Variants in ZNF536 observed in about 807,000 individuals in gnomAD.
ZNF536 encodes zinc finger protein 536.
ZNF536 carries 13 observed loss-of-function variants against 84.5 expected under a neutral mutation model. The ratio of observed to expected loss-of-function variants is 0.15; its 90% confidence interval spans 0.10 to 0.24. ZNF536 has a LOEUF of 0.24. ZNF536 is among the 10% of genes least tolerant of loss of function. The pLI, the probability that ZNF536 is intolerant of heterozygous loss-of-function variation, is 1.00. For missense variants in ZNF536, 1,536 were observed against 1,747.5 expected (o/e 0.88, Z 2.16); for synonymous variants, 811 against 742.5 (o/e 1.09, Z -1.50).
chr19:30,564,049 A>G (rs2046267086), intron 1 of ZNF536, among the ~76,000 whole-genome samples: 1 of 152,188 alleles, frequency 6.6e-6, no homozygotes, highest in South Asian at 2.1e-4. Flanking sequence ...AGGGGACCAG[A>G]AAACAAGAGG....
Position 30,549,242 on chromosome 19 carries a change from G to A in ZNF536, c.3623G>A (p.Ser1208Asn), listed in dbSNP as rs377765433. 2.5e-6 allele frequency: 4 copies of A among 1,613,888 alleles called. No individual in the cohort carries two copies. The highest frequency in any genetic ancestry group is 2.7e-5 in the African/African-American group (2 of 74,956). The stretch of plus-strand genomic sequence containing the variant: ...GACAGCAGCAGCGATGGCGGGGACA[G>A]CCTGCAGCCCACAGGCACCTCCCAG... ...SKDSSSDGGD[S>N]LQPTGTSQPV... Residue 1208 changes from serine to asparagine, a missense_variant, in exon 4 of 5, where the codon AGC becomes AAC. Physicochemically the swap from Ser to Asn is conservative, Grantham distance 46. Around this residue, in one of 8 missense-constraint regions of ZNF536, gnomAD observed 624 missense variants for 603.1 expected, o/e 1.03. Transcript: ENST00000355537.
chr19:30,240,214 C>G (rs1555773042), intron 1 of ZNF536, among the ~76,000 whole-genome samples: 1 of 150,538 alleles, frequency 6.6e-6, no homozygotes, highest in Non-Finnish European at 1.5e-5. Context: ...ACTAAAAATA[C>G]AAAAAAAAAT....
chr19:30,583,103 T>C (rs1385433546), intron 1 of ZNF536, among the ~76,000 whole-genome samples: 1 of 152,134 alleles, frequency 6.6e-6, no homozygotes, highest in Non-Finnish European at 1.5e-5. Flanking sequence ...GCCCCAGACC[T>C]CTGTAGGCCT....
At chr19:30,365,440 A>G (rs1234543777) in intron 3 of ZNF536, among the ~76,000 whole-genome samples, 2 of 152,212 alleles carry the variant, frequency 1.3e-5, no homozygotes, top group Non-Finnish European at 2.9e-5. Flanking sequence ...AGGAACAGCC[A>G]TTGCAGTTCT....
chr19:30,586,892 T>C (rs2047114105), intron 1 of ZNF536, among the ~76,000 whole-genome samples: 1 of 152,232 alleles, frequency 6.6e-6, no homozygotes, highest in African/African-American at 2.4e-5. Context: ...TAAAAGTATA[T>C]GAAAATCATG....
chr19:30,331,693 C>T (rs1298635440), intron 2 of ZNF536, among the ~76,000 whole-genome samples: 1 of 152,206 alleles, frequency 6.6e-6, no homozygotes, highest in African/African-American at 2.4e-5. Flanking sequence ...CAGTGACCAA[C>T]ACCTGAGCTC....
intron 2 of ZNF536, among the ~76,000 whole-genome samples, chr19:30,481,289 T>C (rs2054076863): frequency 6.6e-6 from 1 of 152,238 alleles, no homozygotes; most frequent in Non-Finnish European, 1.5e-5. Context: ...CGCATGAGTA[T>C]GCTAGATGCC....
At chr19:30,656,483 T>C (rs2049919902) in intron 1 of ZNF536, among the ~76,000 whole-genome samples, 1 of 152,246 alleles carries the variant, frequency 6.6e-6, no homozygotes, top group African/African-American at 2.4e-5. Flanking sequence ...GCTGTCACTC[T>C]GTCTCCCTGT....
chr19:30,358,479 A>G (rs1388095949), intron 3 of ZNF536, among the ~76,000 whole-genome samples: 2 of 152,196 alleles, frequency 1.3e-5, no homozygotes, highest in African/African-American at 4.8e-5. Flanking sequence ...AGTAGCTCTC[A>G]CAGCCCCTAG....
rs183719760 is a variant in ZNF536 at position 30,596,952 on chromosome 19, C to T, written c.169+47438C>T. Among the ~76,000 whole-genome samples the T allele has an allele frequency of 1.4e-3, 210 of 152,154 alleles. 1 individual carries two copies. Among genetic ancestry groups the T allele is most frequent in the African/African-American group, 4.9e-3 (203 of 41,508 alleles). Reference sequence around the variant, plus strand: ...GATCTGACCTTTTCGGGGAGCCCATCGCTTTCTGGGGCTGTTTTCTTTTGC... The same window carrying T: ...GATCTGACCTTTTCGGGGAGCCCATTGCTTTCTGGGGCTGTTTTCTTTTGC... On this transcript the variant is annotated intron_variant, in intron 1 of 1. Transcript: ENST00000592773.
At chr19:30,256,060 G>T (rs985753252) in intron 1 of ZNF536, among the ~76,000 whole-genome samples, 1 of 152,222 alleles carries the variant, frequency 6.6e-6, no homozygotes, top group African/African-American at 2.4e-5. Flanking sequence ...TTCCAGACCT[G>T]TGTCTTTAGC....
chr19:30,700,436 G>A (rs2051891358), intron 1 of ZNF536, among the ~76,000 whole-genome samples: 1 of 149,238 alleles, frequency 6.7e-6, no homozygotes, highest in South Asian at 2.1e-4. Context: ...TGCCCAGGCT[G>A]CAGTGCACTG....
intron 1 of ZNF536, among the ~76,000 whole-genome samples, chr19:30,663,673 A>G (rs1004184408): frequency 2.6e-5 from 4 of 152,234 alleles, no homozygotes; most frequent in African/African-American, 9.6e-5. Flanking sequence ...AGGTCTTGGA[A>G]TTAACATGAC....
In ZNF536 at chr19:30,671,670, T is replaced by G. The variant is rs60307929; in HGVS notation, c.170-39087T>G. On this transcript the variant is annotated intron_variant, in intron 1 of 1. Transcript: ENST00000592773. The stretch of plus-strand genomic sequence containing the variant: ...AGGAGGCGGGCAGTCTGCAGTGACA[T>G]GGGGATATGTCTAACTAGTGTTTAT... Among the ~76,000 whole-genome samples, 1,003 of 152,164 alleles carry G rather than the reference T, an allele frequency of 6.6e-3. 12 individuals are homozygous for G. Among genetic ancestry groups the G allele is most frequent in the African/African-American group, 0.023 (952 of 41,496 alleles).
At chr19:30,493,449 G>A (rs553205958) in intron 2 of ZNF536, among the ~76,000 whole-genome samples, 114 of 152,142 alleles carry the variant, frequency 7.5e-4, no homozygotes, top group African/African-American at 2.7e-3. Context: ...ACTTTTTGTT[G>A]TTTTACTTAG....
At chr19:30,258,502 T>C (rs2025026888) in intron 1 of ZNF536, among the ~76,000 whole-genome samples, 1 of 152,214 alleles carries the variant, frequency 6.6e-6, no homozygotes. Flanking sequence ...GCCTCTGGCA[T>C]AGAAACGGAA....
At chr19:30,379,919 T>C (rs970781213) in intron 1 of ZNF536, among the ~76,000 whole-genome samples, 4 of 152,180 alleles carry the variant, frequency 2.6e-5, no homozygotes, top group Non-Finnish European at 5.9e-5. Flanking sequence ...GGGGAAGTCC[T>C]GGCGAAGGAG....
chr19:30,323,088 C>T (rs1463463460), intron 2 of ZNF536, among the ~76,000 whole-genome samples: 2 of 151,944 alleles, frequency 1.3e-5, no homozygotes, highest in Non-Finnish European at 2.9e-5. Flanking sequence ...ACTAAGACTC[C>T]ATGATTTTCC....
At chr19:30,296,889 C>T (rs918672169) in intron 2 of ZNF536, among the ~76,000 whole-genome samples, 3 of 152,200 alleles carry the variant, frequency 2.0e-5, no homozygotes, top group African/African-American at 7.2e-5. Flanking sequence ...TGTGTATTTC[C>T]CTGGGTTCCC....
Sources: gnomAD v4.1 joint callset for allele counts (sites outside exome capture counted in the v4.1 genomes callset) on GRCh38, gnomAD v4.1.1 for gene constraint, gnomAD v4.1.1 regional missense constraint, MANE v1.5 for transcripts, NCBI Gene and HGNC (gene_info 2026-07-23, HGNC 2026-07-21) for gene names.